Variants in GMDS observed in about 807,000 individuals in gnomAD.
GMDS encodes GDP-mannose 4,6-dehydratase, also known as GDP-mannose 4,6 dehydratase.
A neutral mutation model predicts 49.9 loss-of-function variants in GMDS; 20 were observed. The observed-to-expected ratio is 0.40, with a 90% confidence interval of 0.28 to 0.58. The LOEUF is 0.58. GMDS is among the 20% of genes least tolerant of loss of function. The pLI is 0.42. For missense variants in GMDS, 362 were observed against 481.4 expected, an observed-to-expected ratio of 0.75 and a Z score of 2.32; for synonymous variants, 177 against 178.6, an observed-to-expected ratio of 0.99 and a Z score of 0.07.
intron 1 of GMDS, among the ~76,000 whole-genome samples, chr6:2,170,117 C>T (rs1158094527): frequency 1.3e-5 from 2 of 151,764 alleles, no homozygotes; most frequent in African/African-American, 2.4e-5. Flanking sequence ...GCAGGAGAAT[C>T]GCTTGAACCC....
At position 2,153,830 on chromosome 6, in the gene GMDS, G is replaced by T. The variant is rs531188163; in HGVS notation, c.103-29099C>A. On this transcript the variant is annotated intron_variant, in intron 1 of 10. Transcript: ENST00000380815. ...AATGTACGACAAGTTATATACATGT[G>T]CAAGAACAAGAATGTCTATTCCAGC... Among the ~76,000 whole-genome samples, 4 of 152,220 alleles carry T rather than the reference G, an allele frequency of 2.6e-5. No homozygotes were observed. The South Asian group carries it at 8.3e-4, about 32-fold the overall frequency.
At chr6:1,750,603 C>T (rs1767679211) in intron 7 of GMDS, among the ~76,000 whole-genome samples, 2 of 152,152 alleles carry the variant, frequency 1.3e-5, no homozygotes, top group Non-Finnish European at 2.9e-5. Flanking sequence ...CAGGAGATTC[C>T]TTCGGGTGCC....
At chr6:1,985,793 T>C (rs1287749236) in intron 4 of GMDS, among the ~76,000 whole-genome samples, 4 of 152,166 alleles carry the variant, frequency 2.6e-5, no homozygotes, top group Admixed American at 1.3e-4. Flanking sequence ...AGAAGGGTGA[T>C]TGGTGACCAC....
intron 4 of GMDS, among the ~76,000 whole-genome samples, chr6:1,986,769 G>A (rs750191042): frequency 2.0e-5 from 3 of 152,132 alleles, no homozygotes; most frequent in Non-Finnish European, 4.4e-5. Context: ...GGTCTGGGGA[G>A]CTGTCAGGGA....
chr6:1,851,599 G>C (rs1459909725), intron 7 of GMDS, among the ~76,000 whole-genome samples: 3 of 152,150 alleles, frequency 2.0e-5, no homozygotes, highest in African/African-American at 7.2e-5. Flanking sequence ...TTAATAAGGG[G>C]ACTGTGTTTG....
chr6:1,643,691 T>C (rs1205413870), intron 9 of GMDS, among the ~76,000 whole-genome samples: 6 of 152,096 alleles, frequency 3.9e-5, no homozygotes, highest in Admixed American at 3.9e-4. Context: ...ATGGAGTTTT[T>C]GCCTCCGGTG....
At chr6:1,938,019 A>G (rs1490861907) in intron 6 of GMDS, among the ~76,000 whole-genome samples, 1 of 152,150 alleles carries the variant, frequency 6.6e-6, no homozygotes, top group Non-Finnish European at 1.5e-5. Context: ...TAAAAGAAAA[A>G]AAAAGGGGGA....
chr6:1,975,150 G>A (rs539319536), intron 4 of GMDS, among the ~76,000 whole-genome samples: 5 of 152,266 alleles, frequency 3.3e-5, no homozygotes, highest in African/African-American at 4.8e-5. Context: ...CAACGTCTAT[G>A]GCAGCACACC....
At chr6:2,178,310 G>T (rs1032733774) in intron 1 of GMDS, among the ~76,000 whole-genome samples, 2 of 152,164 alleles carry the variant, frequency 1.3e-5, no homozygotes, top group African/African-American at 4.8e-5. Context: ...CATCTGCTTG[G>T]CTTCTGGGGA....
intron 9 of GMDS, among the ~76,000 whole-genome samples, chr6:1,670,043 AT>A (rs111582667): frequency 1.3e-5 from 2 of 151,988 alleles, no homozygotes; most frequent in African/African-American, 4.8e-5. Context: ...CCATAGGAAC[AT>A]CTTGGTGTCA....
rs757458267 is a variant in GMDS, at chr6:2,132,629, G to T, written c.103-7898C>A. 4.6e-5 allele frequency among the ~76,000 whole-genome samples: 7 copies of T among 152,168 alleles called. 1 individual carries two copies. Among genetic ancestry groups the T allele is most frequent in the South Asian group, 4.1e-4 (2 of 4,830 alleles). ...GCAAGGCTTTGTGGATGAAAGAAAA[G>T]CTATGAAATACTACCACACTGACCT... is the stretch of plus-strand genomic sequence containing the variant. On this transcript the variant is annotated intron_variant, in intron 1 of 10. Transcript: ENST00000380815.
At chr6:2,104,505 T>A (rs1182191178) in intron 4 of GMDS, among the ~76,000 whole-genome samples, 1 of 152,188 alleles carries the variant, frequency 6.6e-6, no homozygotes, top group Non-Finnish European at 1.5e-5. Context: ...AGCACAACAT[T>A]CTTAAACACA....
At chr6:2,100,950 A>G (rs1270820139) in intron 4 of GMDS, among the ~76,000 whole-genome samples, 1 of 152,068 alleles carries the variant, frequency 6.6e-6, no homozygotes, top group Non-Finnish European at 1.5e-5. Flanking sequence ...CAAGAAAATG[A>G]GTAAGATTAG....
chr6:1,971,596 G>T (rs1252299400), intron 4 of GMDS, among the ~76,000 whole-genome samples: 2 of 152,090 alleles, frequency 1.3e-5, no homozygotes, highest in Non-Finnish European at 2.9e-5. Context: ...TCAGAACACT[G>T]ATTACACATG....
At chr6:1,694,750 G>A (rs1165480426) in intron 9 of GMDS, among the ~76,000 whole-genome samples, 3 of 152,148 alleles carry the variant, frequency 2.0e-5, no homozygotes, top group Admixed American at 6.5e-5. Flanking sequence ...AAACAATTAC[G>A]TCGTGAAGGT....
At chr6:1,825,554 C>G (rs1771071477) in intron 7 of GMDS, among the ~76,000 whole-genome samples, 1 of 152,156 alleles carries the variant, frequency 6.6e-6, no homozygotes, top group South Asian at 2.1e-4. Context: ...TTACACAAAC[C>G]CACATAGTAG....
chr6:2,030,924 C>T (rs915993844), intron 4 of GMDS, among the ~76,000 whole-genome samples: 5 of 152,150 alleles, frequency 3.3e-5, no homozygotes, highest in African/African-American at 1.2e-4. Context: ...CAAGGATTTT[C>T]TCCAATTCCT....
At chr6:2,052,710 A>G (rs1244475835) in intron 4 of GMDS, among the ~76,000 whole-genome samples, 1 of 152,242 alleles carries the variant, frequency 6.6e-6, no homozygotes, top group Non-Finnish European at 1.5e-5. Context: ...CTCTTCCCCC[A>G]GCCAGTGGAA....
At chr6:1,915,326 G>C (rs1007128202) in intron 7 of GMDS, among the ~76,000 whole-genome samples, 1 of 152,224 alleles carries the variant, frequency 6.6e-6, no homozygotes, top group African/African-American at 2.4e-5. Context: ...GACAAGGCGG[G>C]AAATGGCCAA....
Sources: gnomAD v4.1 joint callset for allele counts (sites outside exome capture counted in the v4.1 genomes callset) on GRCh38, gnomAD v4.1.1 for gene constraint, MANE v1.5 for transcripts, NCBI Gene and HGNC (gene_info 2026-07-23, HGNC 2026-07-21) for gene names.